Variants in CYP11A1 observed in about 807,000 individuals in gnomAD.
The protein encoded by CYP11A1 is cytochrome P450 family 11 subfamily A member 1.
Under a neutral mutation model 51.9 loss-of-function variants are expected in CYP11A1, and 25 were observed. The observed-to-expected ratio is 0.48, with a 90% CI of 0.35 to 0.67. The LOEUF is 0.67. Among genes scored for constraint, CYP11A1 ranks in the 30% least tolerant of loss-of-function variants. CYP11A1 has a pLI of 0.00. For synonymous variants in CYP11A1, 245 were observed against 262.1 expected, an observed-to-expected ratio of 0.93 and a Z score of 0.63; for missense variants, 578 against 680.9, an observed-to-expected ratio of 0.85 and a Z score of 1.68.
intron 4 of CYP11A1, 124 bp downstream of exon 4, chr15:74,343,665 G>A (rs1201392254): frequency 1.4e-5 from 12 of 873,050 alleles, no homozygotes; most frequent in Non-Finnish European, 1.9e-5. Context: ...TGACACCCAC[G>A]CCTGCCCGCC....
chr15:74,364,149 C>G (rs1313338466), intron 1 of CYP11A1: 1 of 152,950 alleles, frequency 6.5e-6, no homozygotes, highest in African/African-American at 2.4e-5. Context: ...AACAAAGGTT[C>G]CAGCCAGTTC....
intron 1 of CYP11A1, among the ~76,000 whole-genome samples, chr15:74,354,194 C>T (rs1003647758): frequency 2.6e-5 from 4 of 152,184 alleles, no homozygotes; most frequent in East Asian, 1.9e-4. Flanking sequence ...GTGACCTGCA[C>T]GTATACATCC....
At chr15:74,361,740 G>T (rs1315052322) in intron 1 of CYP11A1, 8 of 1,263,734 alleles carry the variant, frequency 6.3e-6, no homozygotes, top group Non-Finnish European at 8.1e-6. Context: ...TATGTGTCAG[G>T]GTGGTGACTT....
chr15:74,348,609 A>G (rs1596162446), intron 1 of CYP11A1, among the ~76,000 whole-genome samples: 1 of 152,206 alleles, frequency 6.6e-6, no homozygotes, highest in African/African-American at 2.4e-5. Context: ...GTCAGAGGCC[A>G]CCCAACAACA....
chr15:74,338,521 T>C, intron 8 of CYP11A1, 50 bp downstream of exon 8: 1 of 1,588,870 alleles, frequency 6.3e-7, no homozygotes, highest in Non-Finnish European at 8.6e-7. Context: ...GGTGCCTTCA[T>C]TAGGGCCAGG....
intron 5 of CYP11A1, among the ~76,000 whole-genome samples, chr15:74,340,357 C>T (rs543616814): frequency 2.6e-5 from 4 of 152,326 alleles, no homozygotes; most frequent in East Asian, 1.9e-4. Flanking sequence ...ACTAGCCCTT[C>T]GCCAGAGATC....
Position 74,367,338 on chromosome 15 carries a change from T to C in CYP11A1, c.248A>G (p.Gln83Arg), listed in dbSNP as rs925432216. The change falls in exon 1 of 9, where the codon CAG (glutamine) becomes CGG (arginine). Residue 83 changes from glutamine (Q) to arginine (R), a missense_variant. Gln to Arg is a conservative substitution (Grantham distance 43, BLOSUM62 1). Transcript: ENST00000268053. ...KVHLHHVQNF[Q>R]KYGPIYREKL... ...TTACCTGTAAATCGGGCCATACTTC[T>C]GGAAATTCTGGACATGGTGAAGGTG... is the stretch of plus-strand genomic sequence containing the variant. 1.2e-6 allele frequency: 2 copies of C among 1,614,038 alleles called. No individual in the cohort carries two copies. The highest frequency in any genetic ancestry group is 2.7e-5 in the African/African-American group (2 of 74,922).
chr15:74,349,986 A>C (rs1413440261), intron 1 of CYP11A1, among the ~76,000 whole-genome samples: 1 of 152,184 alleles, frequency 6.6e-6, no homozygotes, highest in Non-Finnish European at 1.5e-5. Context: ...AGATCAAGAA[A>C]AAGGAAGAAG....
In CYP11A1 at chr15:74,338,248, A is replaced by G. The variant is rs577689402; in HGVS notation, c.1435-145T>C. On this transcript the variant is annotated intron_variant, in intron 8 of 8. Coordinates refer to ENST00000268053, the MANE Select transcript of CYP11A1 (RefSeq NM_000781.3). Reference sequence around the variant, plus strand: ...CCACCAGCTCCTGGTGTAACCCTGCACAGTGCCTGATAATGCACCCTTAGT... The same window carrying G: ...CCACCAGCTCCTGGTGTAACCCTGCGCAGTGCCTGATAATGCACCCTTAGT... 153 of 939,482 alleles carry G rather than the reference A, an allele frequency of 1.6e-4. 1 individual carries two copies. The African/African-American group carries it at 2.2e-3, about 14-fold the overall frequency. The allele number at this position is 939,482 out of a possible 1,614,324, so 58.2% of individuals were successfully genotyped here. A position where few individuals can be genotyped will look rare whatever the true frequency, so the allele number is the denominator to read the frequency against.
chr15:74,349,784 A>C (rs1399012072), intron 1 of CYP11A1, among the ~76,000 whole-genome samples: 1 of 152,140 alleles, frequency 6.6e-6, no homozygotes, highest in Non-Finnish European at 1.5e-5. Context: ...GCTGCCTTTT[A>C]AAATTATATT....
chr15:74,350,171 G>A (rs1567054513), intron 1 of CYP11A1: 1 of 363,272 alleles, frequency 2.8e-6, no homozygotes, highest in Non-Finnish European at 5.5e-6. Flanking sequence ...CATACCTCAT[G>A]ATACTTAAAT....
chr15:74,340,634 T>G (rs548006429), intron 5 of CYP11A1, among the ~76,000 whole-genome samples: 2 of 152,324 alleles, frequency 1.3e-5, no homozygotes, highest in Admixed American at 1.3e-4. Flanking sequence ...TGTTTACATA[T>G]GTTACCTCGT....
At position 74,344,912 on chromosome 15, in the gene CYP11A1, A is replaced by T. The variant is rs1169221028; in HGVS notation, c.625+132T>A. 3 of 878,754 alleles carry T rather than the reference A, an allele frequency of 3.4e-6. No homozygotes were observed. In the South Asian group the frequency reaches 4.3e-5, roughly 13 times the overall value. The allele number at this position is 878,754 out of a possible 1,614,324, so 54.4% of individuals were successfully genotyped here. ...CTCTGAGTAGCAGGCAGTGGAGGAC[A>T]TGATCAGCGGCTCATCCCAGAAGTC... is the stretch of plus-strand genomic sequence containing the variant. On this transcript the variant is annotated intron_variant, in intron 3 of 8. Transcript: ENST00000268053.
intron 1 of CYP11A1, among the ~76,000 whole-genome samples, chr15:74,353,217 A>G (rs1259804367): frequency 2.6e-5 from 4 of 152,250 alleles, no homozygotes; most frequent in East Asian, 3.8e-4. Context: ...AAGGTTATTT[A>G]TGAAACAATG....
At chr15:74,354,516 C>T (rs1451395883) in intron 1 of CYP11A1, 1 of 152,538 alleles carries the variant, frequency 6.6e-6, no homozygotes, top group Non-Finnish European at 1.5e-5. Flanking sequence ...GTTTGGTGGT[C>T]TCTTCACAGG....
chr15:74,361,219 TG>T (rs1360210804), intron 1 of CYP11A1, among the ~76,000 whole-genome samples: 1 of 152,204 alleles, frequency 6.6e-6, no homozygotes, highest in Admixed American at 6.5e-5. Context: ...TTTAGGTACA[TG>T]GGATTGACAA....
At chr15:74,346,906 TTC>T (rs2060635353) in intron 2 of CYP11A1, among the ~76,000 whole-genome samples, 1 of 151,868 alleles carries the variant, frequency 6.6e-6, no homozygotes, top group Non-Finnish European at 1.5e-5. Flanking sequence ...GCTCAAGTAG[TTC>T]TCTGGCCTCA....
intron 3 of CYP11A1, chr15:74,344,766 G>T: frequency 2.1e-6 from 1 of 483,418 alleles, no homozygotes; most frequent in South Asian, 2.1e-5. Context: ...GGTGGCAATA[G>T]GGACCTGTAC....
intron 8 of CYP11A1, chr15:74,338,312 C>A: frequency 1.4e-6 from 1 of 712,920 alleles, no homozygotes; most frequent in Non-Finnish European, 2.4e-6. Context: ...CTTAACTTGT[C>A]TACAAACCTC....
Sources: allele counts gnomAD v4.1 joint callset (sites outside exome capture counted in the v4.1 genomes callset), GRCh38; gene constraint gnomAD v4.1.1; transcripts MANE v1.5; gene names NCBI Gene and HGNC (gene_info 2026-07-23, HGNC 2026-07-21).